Variants in DHX34 observed in about 807,000 individuals in gnomAD.
DHX34 encodes the protein DExH-box helicase 34, also known as probable ATP-dependent RNA helicase DHX34.
A neutral mutation model predicts 111.1 loss-of-function variants in DHX34; 96 were observed. The ratio of observed to expected loss-of-function variants is 0.86; its 90% CI spans 0.73 to 1.02. The LOEUF (loss-of-function observed/expected upper bound fraction) is 1.02. Ranked by LOEUF, DHX34 falls within the 50% of genes least tolerant of loss-of-function variation. The pLI is 0.00. For synonymous variants in DHX34, 688 were observed against 670.4 expected (o/e 1.03, Z -0.41); for missense variants, 1,560 against 1,579.9 (o/e 0.99, Z 0.21).
In DHX34 at chr19:47,372,889, T is replaced by C; in HGVS notation, c.1928T>C (p.Phe643Ser). The C allele has an allele frequency of 2.5e-6, 4 of 1,607,406 alleles. No homozygotes were observed. The highest frequency in any genetic ancestry group is 3.4e-6 in the Non-Finnish European group (4 of 1,179,246). The part of the protein sequence containing the change: ...RPLESDQGDP[F>S]TLFNVFNAWV... ...CTGGAGAGCGACCAGGGTGACCCCT[T>C]CACGCTCTTCAACGTCTTCAACGCC... Residue 643 changes from phenylalanine to serine, a missense_variant, in exon 8 of 17, where the codon TTC becomes TCC. Coordinates refer to ENST00000328771, the MANE Select transcript of DHX34 (RefSeq NM_014681.6).
rs891742850 is a variant in DHX34, at chr19:47,357,935, C to T, written c.1087C>T (p.Leu363=). The T allele has an allele frequency of 2.5e-6, 4 of 1,613,934 alleles. No individual in the cohort carries two copies. In the African/African-American group the frequency reaches 5.3e-5, roughly 22 times the overall value. Residue 363 remains leucine, a synonymous_variant, in exon 4 of 17, where the codon CTG becomes TTG. Transcript: ENST00000328771. ...KSEKLDPRPF[L]RVLESIDHKY... ...AGAGAAGCTGGACCCGCGGCCTTTC[C>T]TGAGGGTGCTGGAGTCCATTGACCA...
At chr19:47,379,529 T>G in intron 13 of DHX34, 181 bp from the exon 14 acceptor site, 2 of 962,262 alleles carry the variant, frequency 2.1e-6, no homozygotes, top group Non-Finnish European at 2.5e-6. Context: ...GCGGCTGCCT[T>G]GTTCATGCCG....
chr19:47,365,377 G>A (rs1204304180), intron 6 of DHX34, among the ~76,000 whole-genome samples: 4 of 151,780 alleles, frequency 2.6e-5, no homozygotes, highest in African/African-American at 9.7e-5. Flanking sequence ...TTGGCCTCCC[G>A]AGTAGCTGGG....
In DHX34 at chr19:47,376,099, TG is replaced by T; in HGVS notation, c.2481+6del. 1 of 1,553,214 alleles carries T rather than the reference TG, an allele frequency of 6.4e-7. No homozygotes were observed. Among genetic ancestry groups the T allele is most frequent in the East Asian group, 2.3e-5 (1 of 44,150 alleles). On this transcript the variant is annotated splice_donor_region_variant and intron_variant, in intron 11 of 16. Coordinates refer to ENST00000328771, the MANE Select transcript of DHX34 (RefSeq NM_014681.6). ...AGCAGCCGAAAGGACTCAGACCAGG[TG>T]GGGCCTGTTCTGCCCCATCCTATGT...
chr19:47,365,849 T>C (rs1969773034), intron 6 of DHX34, among the ~76,000 whole-genome samples: 1 of 152,226 alleles, frequency 6.6e-6, no homozygotes, highest in Non-Finnish European at 1.5e-5. Flanking sequence ...ATCTACTGCC[T>C]GCCTGGACTG....
In DHX34 at chr19:47,377,238, C is replaced by G. The variant is rs760942524; in HGVS notation, c.2706+32C>G. The G allele has an allele frequency of 5.6e-6, 9 of 1,595,336 alleles. No homozygotes were observed. In the African/African-American group the frequency reaches 1.2e-4, roughly 21 times the overall value. On this transcript the variant is annotated intron_variant, in intron 13 of 16. Transcript: ENST00000328771. ...CTCTGCCCCACCCCGCCCCCATGCCCAGATATGAGAGCTGCGTTGCCCAGG... is the reference window on the plus strand; with the variant it reads ...CTCTGCCCCACCCCGCCCCCATGCCGAGATATGAGAGCTGCGTTGCCCAGG...
Position 47,381,640 on chromosome 19 carries a change from C to G in DHX34, c.3298+316C>G, listed in dbSNP as rs1970362291. On this transcript the variant is annotated intron_variant, in intron 16 of 16. Transcript: ENST00000328771. ...GTCCTGCAGCTATCTCTGCCTTGGT[C>G]ACCTCCACCCTGTTGTCACCCAGGG... 8.6e-6 allele frequency: 5 copies of G among 583,980 alleles called. No homozygotes were observed. The South Asian group carries it at 1.2e-4, about 14-fold the overall frequency. 36.2% of individuals were successfully genotyped at this position (583,980 alleles called of 1,614,324 possible). A position where few individuals can be genotyped will look rare whatever the true frequency, so the allele number is the denominator to read the frequency against.
intron 13 of DHX34, 142 bp from the exon 14 acceptor site, chr19:47,379,568 T>TA (rs1293953214): frequency 2.0e-6 from 3 of 1,471,120 alleles, no homozygotes; most frequent in Non-Finnish European, 2.7e-6. Flanking sequence ...GGGTGCCTGG[T>TA]ACAGCGGGTA....
chr19:47,357,268 A>G (rs1161671087), intron 3 of DHX34, among the ~76,000 whole-genome samples: 1 of 152,212 alleles, frequency 6.6e-6, no homozygotes, highest in African/African-American at 2.4e-5. Context: ...TAATGCATGC[A>G]TTGTAAGTAT....
chr19:47,366,271 T>A (rs1350706742), intron 6 of DHX34, among the ~76,000 whole-genome samples: 1 of 151,022 alleles, frequency 6.6e-6, no homozygotes, highest in Admixed American at 6.6e-5. Context: ...ATTGGGAATT[T>A]TATTTTATTT....
Position 47,375,541 on chromosome 19 carries a change from C to T in DHX34, c.2140C>T (p.Gln714Ter). 1 of 1,557,234 alleles carries T rather than the reference C, an allele frequency of 6.4e-7. No individual in the cohort carries two copies. The highest frequency in any genetic ancestry group is 1.2e-5 in the South Asian group (1 of 85,750). ...QVGDSYSRLQ[Q>*]RRERRALHQL... ...AGGGGACAGCTACAGTCGGTTGCAG[C>T]AGCGCCGGGAGCGCCGGGCCCTGCA... Residue 714 changes from glutamine to a stop codon, truncating the protein, a stop_gained, in exon 10 of 17, where the codon CAG becomes TAG. Transcript: ENST00000328771. LOFTEE classifies it high-confidence loss of function.
intron 9 of DHX34, 27 bp downstream of exon 9, chr19:47,373,727 C>G: frequency 6.2e-7 from 1 of 1,606,354 alleles, no homozygotes; most frequent in South Asian, 1.1e-5. Flanking sequence ...GGGGTAAGGC[C>G]GGCCCCACTC....
intron 1 of DHX34, among the ~76,000 whole-genome samples, chr19:47,351,210 G>A (rs1355922274): frequency 2.6e-5 from 3 of 114,864 alleles, no homozygotes; most frequent in African/African-American, 3.5e-5. Flanking sequence ...ACAGAGTCTC[G>A]CTCTGTTGCC....
At chr19:47,357,048 G>A (rs949835065) in intron 3 of DHX34, among the ~76,000 whole-genome samples, 35 of 152,090 alleles carry the variant, frequency 2.3e-4, no homozygotes, top group East Asian at 1.2e-3. Flanking sequence ...GCCTGGTCAC[G>A]CATACCTGAG....
At position 47,353,120 on chromosome 19, in the gene DHX34, G is replaced by A; in HGVS notation, c.90G>A (p.Trp30Ter). The A allele has an allele frequency of 6.2e-7, 1 of 1,614,168 alleles. No individual in the cohort carries two copies. The change falls in exon 2 of 17, where the codon TGG (tryptophan) becomes TGA (stop). Residue 30 changes from tryptophan (W) to a stop codon, truncating the protein, a stop_gained. Coordinates refer to ENST00000328771, the MANE Select transcript of DHX34 (RefSeq NM_014681.6). LOFTEE classifies it high-confidence loss of function. The surrounding 1 kb of genome is among the most constrained non-coding windows in gnomAD (Gnocchi z 4.6). The part of the protein sequence containing the change: ...SEEEALEKWD[W>*]NCPETRRLLE... ...AAGAGGCCTTGGAGAAATGGGACTG[G>A]AATTGTCCAGAGACGCGTCGCCTCT...
In DHX34 at chr19:47,375,614, T is replaced by G; in HGVS notation, c.2213T>G (p.Val738Gly). ...HEEGAGRRRK[V>G]LRLQEEQDGG... The stretch of plus-strand genomic sequence containing the variant: ...GAGGGCGCGGGGCGCAGGCGCAAGG[T>G]GCTGCGGCTGCAGGAGGAGCAGGAC... The change falls in exon 10 of 17, where the codon GTG (valine) becomes GGG (glycine). Residue 738 changes from valine to glycine, a missense_variant. Val to Gly is a moderately radical substitution (Grantham distance 109, BLOSUM62 -3). Coordinates refer to ENST00000328771, the MANE Select transcript of DHX34 (RefSeq NM_014681.6). 6.5e-7 allele frequency: 1 copy of G among 1,549,376 alleles called. No individual in the cohort carries two copies. The highest frequency in any genetic ancestry group is 8.7e-7 in the Non-Finnish European group (1 of 1,150,264).
In DHX34 at chr19:47,362,489, G is replaced by C; in HGVS notation, c.1389G>C (p.Glu463Asp). ...GCTCCCATCCAGGAAAGGTGAAGGA[G>C]ATGAGCTACGATCCGCAGGCCAAGC... The part of the protein sequence containing the change: ...RFVVDSGKVK[E>D]MSYDPQAKLQ... Residue 463 changes from glutamate to aspartate, a missense_variant, in exon 6 of 17, where the codon GAG (glutamate) becomes GAC (aspartate). Transcript: ENST00000328771. The C allele has an allele frequency of 6.3e-7, 1 of 1,589,684 alleles. No individual in the cohort carries two copies. Among genetic ancestry groups the C allele is most frequent in the Non-Finnish European group, 8.6e-7 (1 of 1,165,490 alleles).
At chr19:47,379,311 A>C (rs1970273805) in intron 13 of DHX34, among the ~76,000 whole-genome samples, 1 of 151,736 alleles carries the variant, frequency 6.6e-6, no homozygotes, top group South Asian at 2.1e-4. Context: ...GATTTTCCCC[A>C]ACATCTTATG....
chr19:47,349,943 C>T (rs2122197702), intron 1 of DHX34, among the ~76,000 whole-genome samples: 1 of 152,216 alleles, frequency 6.6e-6, no homozygotes, highest in South Asian at 2.1e-4. Context: ...GCCCGAACCC[C>T]TGGATTTGAG....
Sources: allele counts gnomAD v4.1 joint callset (sites outside exome capture counted in the v4.1 genomes callset), GRCh38; gene constraint gnomAD v4.1.1; non-coding constraint Gnocchi (gnomAD v3.1); transcripts MANE v1.5; gene names NCBI Gene and HGNC (gene_info 2026-07-23, HGNC 2026-07-21).